Variants in GPC5 observed in about 807,000 individuals in gnomAD.
GPC5 encodes the protein glypican-5.
GPC5 carries 47 observed loss-of-function variants against 53.9 expected under a neutral mutation model. The observed-to-expected ratio is 0.87, with a 90% CI of 0.69 to 1.11. GPC5 has a LOEUF of 1.11. Among genes scored for constraint, GPC5 ranks in the 50% most tolerant of loss-of-function variants. The probability of loss-of-function intolerance (pLI) is 0.00; values close to 1 mark genes in which losing one functional copy is unlikely to be tolerated. For synonymous variants in GPC5, 286 were observed against 263.3 expected, an observed-to-expected ratio of 1.09 and a Z score of -0.84; for missense variants, 748 against 713.1, an observed-to-expected ratio of 1.05 and a Z score of -0.56.
At chr13:91,967,495 T>TA (rs1247933522) in intron 6 of GPC5, among the ~76,000 whole-genome samples, 3 of 152,054 alleles carry the variant, frequency 2.0e-5, no homozygotes, top group Admixed American at 6.6e-5. Context: ...CATATTAAAT[T>TA]AAAAAAATTA....
At chr13:92,035,946 C>T (rs1253865906) in intron 6 of GPC5, among the ~76,000 whole-genome samples, 1 of 152,060 alleles carries the variant, frequency 6.6e-6, no homozygotes, top group Admixed American at 6.5e-5. Context: ...CACAAAAGCC[C>T]ATTTGTTCAT....
At chr13:91,634,619 A>C (rs1281868095) in intron 2 of GPC5, among the ~76,000 whole-genome samples, 1 of 152,080 alleles carries the variant, frequency 6.6e-6, no homozygotes, top group African/African-American at 2.4e-5. Context: ...TTTGGGAGTA[A>C]TAATTTTTTT....
At chr13:92,775,613 C>T (rs1875776287) in intron 7 of GPC5, among the ~76,000 whole-genome samples, 1 of 152,166 alleles carries the variant, frequency 6.6e-6, no homozygotes, top group African/African-American at 2.4e-5. Flanking sequence ...TGACTTCAAT[C>T]ACAATACCTC....
At chr13:91,784,054 A>G (rs1417160555) in intron 5 of GPC5, among the ~76,000 whole-genome samples, 1 of 152,180 alleles carries the variant, frequency 6.6e-6, no homozygotes, top group African/African-American at 2.4e-5. Flanking sequence ...ACAGAGATAT[A>G]TTAGAAACTA....
intron 6 of GPC5, among the ~76,000 whole-genome samples, chr13:92,078,438 G>A (rs764678110): frequency 1.3e-5 from 2 of 152,176 alleles, no homozygotes; most frequent in Non-Finnish European, 2.9e-5. Context: ...ACCTCCTGGG[G>A]TTAATGTGAG....
Position 91,724,730 on chromosome 13 carries a change from G to A in GPC5, c.1021-3802G>A, listed in dbSNP as rs138607041. 1.8e-3 allele frequency among the ~76,000 whole-genome samples: 277 copies of A among 152,128 alleles called. 2 individuals are homozygous for A. Among genetic ancestry groups the A allele is most frequent in the African/African-American group, 6.1e-3 (253 of 41,524 alleles). ...AAATAAGCCAGGCATGGTGGCATGC[G>A]CCTATAGTCCAGCTACTCTGTAAGG... On this transcript the variant is annotated intron_variant, in intron 3 of 7. Transcript: ENST00000377067.
At chr13:91,743,870 T>C (rs2036990591) in intron 4 of GPC5, among the ~76,000 whole-genome samples, 1 of 152,178 alleles carries the variant, frequency 6.6e-6, no homozygotes, top group South Asian at 2.1e-4. Flanking sequence ...TATCTCTTTT[T>C]GTTTTTGTTT....
chr13:91,749,716 G>A (rs903150635), intron 4 of GPC5, among the ~76,000 whole-genome samples: 7 of 152,180 alleles, frequency 4.6e-5, no homozygotes, highest in Non-Finnish European at 8.8e-5. Context: ...GTGTATAAGT[G>A]TTCCCTTTTC....
intron 6 of GPC5, among the ~76,000 whole-genome samples, chr13:92,031,118 T>G (rs2040837929): frequency 6.6e-6 from 1 of 152,192 alleles, no homozygotes; most frequent in African/African-American, 2.4e-5. Flanking sequence ...TTCTGTCTTA[T>G]TTCCCTACCC....
At chr13:91,542,777 A>G (rs939264020) in intron 2 of GPC5, among the ~76,000 whole-genome samples, 3 of 151,098 alleles carry the variant, frequency 2.0e-5, no homozygotes, top group Admixed American at 1.3e-4. Flanking sequence ...TCTGCCTCCC[A>G]GGTTCCATCG....
At chr13:92,294,480 T>C (rs1196211095) in intron 7 of GPC5, among the ~76,000 whole-genome samples, 1 of 152,224 alleles carries the variant, frequency 6.6e-6, no homozygotes, top group Non-Finnish European at 1.5e-5. Flanking sequence ...TTCTAGTTTA[T>C]GCATGTAAAT....
chr13:92,326,261 T>C (rs1172752022), intron 7 of GPC5, among the ~76,000 whole-genome samples: 1 of 152,092 alleles, frequency 6.6e-6, no homozygotes, highest in Non-Finnish European at 1.5e-5. Context: ...GCAACTATGA[T>C]AAAAATTTCA....
intron 2 of GPC5, among the ~76,000 whole-genome samples, chr13:91,469,436 T>G (rs481729): frequency 1.3e-5 from 2 of 151,680 alleles, no homozygotes; most frequent in African/African-American, 4.8e-5. Flanking sequence ...TTTTTCTCTT[T>G]TTTTTTGGGT....
intron 7 of GPC5, among the ~76,000 whole-genome samples, chr13:92,654,131 C>G: frequency 6.6e-6 from 1 of 152,166 alleles, no homozygotes; most frequent in South Asian, 2.1e-4. Context: ...CAGGATTGCA[C>G]TTTGTTTAAT....
At chr13:91,689,043 C>CTGTAGT (rs1384635554) in intron 2 of GPC5, among the ~76,000 whole-genome samples, 1 of 150,854 alleles carries the variant, frequency 6.6e-6, no homozygotes, top group African/African-American at 2.4e-5. Context: ...TGGTCCACAC[C>CTGTAGT]TGTAGTCCCA....
chr13:92,167,314 G>A (rs77568510), intron 7 of GPC5, among the ~76,000 whole-genome samples: 1,901 of 152,190 alleles, frequency 0.012, 30 homozygotes, highest in African/African-American at 0.044. Flanking sequence ...GATGTATAGT[G>A]AGAATTCTTT....
intron 7 of GPC5, among the ~76,000 whole-genome samples, chr13:92,285,444 G>A (rs1422251093): frequency 6.6e-6 from 1 of 152,076 alleles, no homozygotes; most frequent in East Asian, 1.9e-4. Context: ...TCAATCCTAA[G>A]CCAAAAGAAC....
intron 3 of GPC5, among the ~76,000 whole-genome samples, chr13:91,707,432 G>A (rs1342021397): frequency 6.6e-6 from 1 of 152,040 alleles, no homozygotes; most frequent in Admixed American, 6.6e-5. Context: ...AGACCAGCCT[G>A]AGCAACATAG....
intron 1 of GPC5, among the ~76,000 whole-genome samples, chr13:91,447,101 T>C (rs989168701): frequency 2.0e-5 from 3 of 152,240 alleles, no homozygotes; most frequent in Non-Finnish European, 4.4e-5. Context: ...ACAGGCCATG[T>C]TTAGGAATTG....
Sources: gnomAD v4.1 joint callset for allele counts (sites outside exome capture counted in the v4.1 genomes callset) on GRCh38, gnomAD v4.1.1 for gene constraint, MANE v1.5 for transcripts, NCBI Gene and HGNC (gene_info 2026-07-23, HGNC 2026-07-21) for gene names.